SETX: variants seen among roughly 807,000 people sequenced by gnomAD.
SETX encodes helicase senataxin.
SETX carries 90 observed loss-of-function variants against 227.2 expected under a neutral mutation model. That is an observed-to-expected ratio of 0.40 (90% CI 0.33 to 0.47). The LOEUF (loss-of-function observed/expected upper bound fraction) is 0.47. SETX is among the 20% of genes least tolerant of loss of function. SETX has a pLI of 0.91. For missense variants in SETX, 3,052 were observed against 3,181.5 expected, an observed-to-expected ratio of 0.96 and a Z score of 0.98; for synonymous variants, 1,210 against 1,113.2, an observed-to-expected ratio of 1.09 and a Z score of -1.73.
intron 7 of SETX, among the ~76,000 whole-genome samples, chr9:132,333,099 C>G (rs1847347420): frequency 6.6e-6 from 1 of 150,950 alleles, no homozygotes; most frequent in Non-Finnish European, 1.5e-5. Context: ...ATGCCAAAGG[C>G]CGGGCGTGGT....
chr9:132,278,289 A>T, intron 20 of SETX, 32 bp from the exon 21 acceptor site: 1 of 1,606,460 alleles, frequency 6.2e-7, no homozygotes, highest in Non-Finnish European at 8.5e-7. Context: ...AACAGTTTCC[A>T]AGAATTCATT....
chr9:132,304,281 TC>T (rs1564512043), intron 11 of SETX, among the ~76,000 whole-genome samples: 1 of 152,080 alleles, frequency 6.6e-6, no homozygotes. Context: ...ACTCAAAGCT[TC>T]TGAGGGACAA....
rs1372393517 is a variant in SETX at position 132,336,492 on chromosome 9, A to G, written c.522T>C (p.Thr174=). The G allele has an allele frequency of 6.2e-7, 1 of 1,614,090 alleles. No homozygotes were observed. Among genetic ancestry groups the G allele is most frequent in the South Asian group, 1.1e-5 (1 of 91,082 alleles). The change falls in exon 6 of 26, where the codon ACT becomes ACC. Residue 174 remains threonine (T), a synonymous_variant. Coordinates refer to ENST00000224140, the MANE Select transcript of SETX (RefSeq NM_015046.7). The stretch of plus-strand genomic sequence containing the variant: ...TGTCCACTTTCCCCAAGTTTCTTGC[A>G]GTCAAGATAGCCCAACGCCGAACCT... ...NEMVRRWAIL[T]ARNLGKVDRD...
chr9:132,333,104 C>T (rs978208480), intron 7 of SETX, among the ~76,000 whole-genome samples: 1 of 150,402 alleles, frequency 6.6e-6, no homozygotes, highest in Admixed American at 6.6e-5. Flanking sequence ...AAAGGCCGGG[C>T]GTGGTGGCTC....
At chr9:132,330,631 A>AATAC (rs1160504264) in intron 9 of SETX, 132 bp from the exon 10 acceptor site, 17 of 726,228 alleles carry the variant, frequency 2.3e-5, no homozygotes, top group Non-Finnish European at 2.4e-5. Context: ...TATGCTATAC[A>AATAC]ATGGTATAAT....
At chr9:132,318,639 G>A (rs73547087) in intron 10 of SETX, among the ~76,000 whole-genome samples, 3,206 of 152,140 alleles carry the variant, frequency 0.021, 120 homozygotes, top group African/African-American at 0.074. Context: ...TTCAGCCCTA[G>A]GGATGGGAGG....
At chr9:132,293,622 G>C (rs553461161) in intron 15 of SETX, among the ~76,000 whole-genome samples, 93 of 152,198 alleles carry the variant, frequency 6.1e-4, no homozygotes, top group African/African-American at 2.2e-3. Flanking sequence ...GTTTCACCAT[G>C]TTGGTCAGGC....
chr9:132,274,365 C>A (rs756007502), intron 23 of SETX, among the ~76,000 whole-genome samples: 1 of 151,784 alleles, frequency 6.6e-6, no homozygotes, highest in Non-Finnish European at 1.5e-5. Context: ...TGATAGAATT[C>A]ACCAGCTTAG....
chr9:132,296,871 C>T lies in SETX; in HGVS notation c.5949+16G>A, dbSNP rs763246736. 3 of 1,613,438 alleles carry T rather than the reference C, an allele frequency of 1.9e-6. No individual in the cohort carries two copies. In the East Asian group the frequency reaches 6.7e-5, roughly 36 times the overall value. ...TACAGCTAGTTAACAGCATCAGTGCCCTCACCCATACCTACCTCTGTCAGT... is the reference window on the plus strand; with the variant it reads ...TACAGCTAGTTAACAGCATCAGTGCTCTCACCCATACCTACCTCTGTCAGT... On this transcript the variant is annotated intron_variant, in intron 14 of 25. Coordinates refer to ENST00000224140, the MANE Select transcript of SETX (RefSeq NM_015046.7).
At chr9:132,315,903 C>A (rs554001067) in intron 10 of SETX, among the ~76,000 whole-genome samples, 2 of 152,040 alleles carry the variant, frequency 1.3e-5, no homozygotes, top group South Asian at 4.2e-4. Flanking sequence ...TTAGTATAAC[C>A]GAAAAATCCA....
chr9:132,300,887 T>C (rs1376649248), intron 11 of SETX, 84 bp from the exon 12 acceptor site: 6 of 1,297,060 alleles, frequency 4.6e-6, no homozygotes, highest in South Asian at 1.4e-5. Context: ...ATTAAATCCT[T>C]GTATTAAGTT....
intron 11 of SETX, among the ~76,000 whole-genome samples, chr9:132,302,434 C>T (rs566523492): frequency 6.9e-4 from 102 of 147,212 alleles, no homozygotes; most frequent in African/African-American, 2.4e-3. Flanking sequence ...CCGAGACGGG[C>T]GGATCACCTG....
chr9:132,293,769 C>T (rs1290939835), intron 15 of SETX, among the ~76,000 whole-genome samples: 2 of 152,002 alleles, frequency 1.3e-5, no homozygotes, highest in African/African-American at 2.4e-5. Context: ...ATGCCTGTAA[C>T]CCCAGCACTT....
Position 132,342,807 on chromosome 9 carries a change from G to GA in SETX, c.389-9dup, listed in dbSNP as rs534931548. On this transcript the variant is annotated splice_polypyrimidine_tract_variant and intron_variant, in intron 4 of 25. Coordinates refer to ENST00000224140, the MANE Select transcript of SETX (RefSeq NM_015046.7). ...CTTCAACACATAACTCGTCTAAAAA[G>GA]AAAAAAATAAGTAAAATACATAAAT... The GA allele has an allele frequency of 5.0e-6, 8 of 1,594,130 alleles. No individual in the cohort carries two copies. The highest frequency in any genetic ancestry group is 6.9e-6 in the Non-Finnish European group (8 of 1,163,050).
chr9:132,333,424 C>CAA, intron 7 of SETX, among the ~76,000 whole-genome samples: 1 of 112,490 alleles, frequency 8.9e-6, no homozygotes, highest in Non-Finnish European at 1.9e-5. Flanking sequence ...TATACACACA[C>CAA]ACACACACAC....
chr9:132,326,953 A>G lies in SETX; in HGVS notation c.4645T>C (p.Cys1549Arg), dbSNP rs1846829407. 1.2e-6 allele frequency: 2 copies of G among 1,614,222 alleles called. No homozygotes were observed. Among genetic ancestry groups the G allele is most frequent in the Non-Finnish European group, 1.7e-6 (2 of 1,180,044 alleles). ...PQLESLSGTKCKYKDCLETTK... is the reference protein window; with the variant it reads ...PQLESLSGTKRKYKDCLETTK... Reference sequence around the variant, plus strand: ...GTTTCAAGACAATCTTTGTACTTACACTTTGTGCCACTCAAAGATTCCAAC... The same window carrying G: ...GTTTCAAGACAATCTTTGTACTTACGCTTTGTGCCACTCAAAGATTCCAAC... Residue 1549 changes from cysteine to arginine, a missense_variant, in exon 10 of 26, where the codon TGT (cysteine) becomes CGT (arginine). Cys to Arg is a radical substitution (Grantham distance 180). Around this residue, in one of 10 missense-constraint regions of SETX, gnomAD observed 1,483 missense variants for 1,312.0 expected, o/e 1.13. Transcript: ENST00000224140.
chr9:132,277,506 C>CGGTGA (rs2131178280), intron 21 of SETX, among the ~76,000 whole-genome samples: 1 of 152,182 alleles, frequency 6.6e-6, no homozygotes, highest in East Asian at 1.9e-4. Flanking sequence ...TGGCCAGGTG[C>CGGTGA]GGTGACTCTC....
At chr9:132,276,498 C>T (rs7849859) in intron 22 of SETX, among the ~76,000 whole-genome samples, 67,466 of 152,032 alleles carry the variant, frequency 0.44, 18,031 homozygotes, top group African/African-American at 0.74. Context: ...GACAGAGTGG[C>T]ACTTGTATCC....
At chr9:132,318,953 C>T (rs1037235250) in intron 10 of SETX, among the ~76,000 whole-genome samples, 1 of 152,196 alleles carries the variant, frequency 6.6e-6, no homozygotes, top group African/African-American at 2.4e-5. Flanking sequence ...TCCTAGGCTG[C>T]CGCACAGTTT....
Sources: gnomAD v4.1 joint callset for allele counts (sites outside exome capture counted in the v4.1 genomes callset) on GRCh38, gnomAD v4.1.1 for gene constraint, gnomAD v4.1.1 regional missense constraint, MANE v1.5 for transcripts, NCBI Gene and HGNC (gene_info 2026-07-23, HGNC 2026-07-21) for gene names.